ACOXL: variants seen among roughly 807,000 people sequenced by gnomAD.
The protein encoded by ACOXL is acyl-coenzyme A oxidase-like protein.
ACOXL carries 70 observed loss-of-function variants against 71.9 expected under a neutral mutation model. The observed-to-expected ratio is 0.97, with a 90% CI of 0.80 to 1.19. The LOEUF (loss-of-function observed/expected upper bound fraction) is 1.19, where lower values mean the gene tolerates loss of function less well. Ranked by LOEUF, ACOXL falls within the 50% of genes most tolerant of loss-of-function variation. ACOXL has a pLI of 0.00. For synonymous variants in ACOXL, 253 were observed against 281.6 expected, an observed-to-expected ratio of 0.90 and a Z score of 1.02; for missense variants, 703 against 736.3, an observed-to-expected ratio of 0.95 and a Z score of 0.52.
chr2:111,050,275 G>C (rs75907924), intron 16 of ACOXL, among the ~76,000 whole-genome samples: 1 of 151,566 alleles, frequency 6.6e-6, no homozygotes, highest in African/African-American at 2.4e-5. Context: ...AAAAAAAAAA[G>C]CTTTCAGTGA....
intron 10 of ACOXL, among the ~76,000 whole-genome samples, chr2:110,874,464 G>C (rs1695652898): frequency 6.6e-6 from 1 of 152,160 alleles, no homozygotes; most frequent in Non-Finnish European, 1.5e-5. Context: ...CTGGGAAGCG[G>C]AATGAGCAGA....
chr2:110,742,565 AC>A (rs889404264), intron 1 of ACOXL, among the ~76,000 whole-genome samples: 1 of 152,152 alleles, frequency 6.6e-6, no homozygotes, highest in African/African-American at 2.4e-5. Context: ...TCGTCACCAC[AC>A]TTGTCTGAGT....
intron 11 of ACOXL, among the ~76,000 whole-genome samples, chr2:110,912,716 C>G (rs1216178569): frequency 6.6e-6 from 1 of 151,806 alleles, no homozygotes; most frequent in Non-Finnish European, 1.5e-5. Flanking sequence ...GATAGAATAC[C>G]AAAAGCACAA....
At position 110,802,353 on chromosome 2, in the gene ACOXL, G is replaced by A. The variant is rs201387205; in HGVS notation, c.620+629G>A. Among the ~76,000 whole-genome samples, 3 of 152,304 alleles carry A rather than the reference G, an allele frequency of 2.0e-5. No homozygotes were observed. In the East Asian group the frequency reaches 5.8e-4, roughly 29 times the overall value. ...GTTAATGATGCTTTTCACAGAAGCT[G>A]AGAAACACCAATTACTTTTAATTTT... On this transcript the variant is annotated intron_variant, in intron 8 of 17. Transcript: ENST00000439055.
At chr2:110,739,810 C>T (rs1326027038) in intron 1 of ACOXL, among the ~76,000 whole-genome samples, 3 of 152,200 alleles carry the variant, frequency 2.0e-5, no homozygotes, top group African/African-American at 7.2e-5. Context: ...CTCTGTTCTG[C>T]TAAGTGAGTT....
At chr2:110,785,439 C>T (rs1305038988) in intron 3 of ACOXL, among the ~76,000 whole-genome samples, 1 of 150,788 alleles carries the variant, frequency 6.6e-6, no homozygotes, top group Non-Finnish European at 1.5e-5. Context: ...ATTCATGTAA[C>T]CACCACCACA....
At chr2:110,902,059 A>G (rs146421293) in intron 10 of ACOXL, among the ~76,000 whole-genome samples, 1 of 152,232 alleles carries the variant, frequency 6.6e-6, no homozygotes, top group African/African-American at 2.4e-5. Flanking sequence ...ATGGAAAAAG[A>G]AAAAATTGCC....
intron 3 of ACOXL, among the ~76,000 whole-genome samples, chr2:110,791,581 A>G (rs1458368796): frequency 6.6e-6 from 1 of 152,240 alleles, no homozygotes; most frequent in Non-Finnish European, 1.5e-5. Flanking sequence ...GCCTGCGATG[A>G]TTCTGTAGAG....
At chr2:110,986,777 C>G (rs1463295879) in intron 12 of ACOXL, among the ~76,000 whole-genome samples, 1 of 152,168 alleles carries the variant, frequency 6.6e-6, no homozygotes, top group Non-Finnish European at 1.5e-5. Context: ...AACGGACCAG[C>G]CTTCTGGTCC....
At chr2:111,064,428 T>TC (rs1196523857) in intron 16 of ACOXL, among the ~76,000 whole-genome samples, 1 of 111,902 alleles carries the variant, frequency 8.9e-6, no homozygotes, top group East Asian at 2.8e-4. Flanking sequence ...AGAGCGACAC[T>TC]CCATCTCAAA....
intron 1 of ACOXL, among the ~76,000 whole-genome samples, chr2:110,758,108 A>G (rs1242785107): frequency 6.6e-6 from 1 of 152,226 alleles, no homozygotes; most frequent in African/African-American, 2.4e-5. Context: ...TTTTCTGCCT[A>G]TAACTTGCCA....
chr2:111,016,955 T>C (rs1423625875), intron 14 of ACOXL, among the ~76,000 whole-genome samples: 3 of 152,062 alleles, frequency 2.0e-5, no homozygotes, highest in Non-Finnish European at 2.9e-5. Flanking sequence ...GCCAGCAAGA[T>C]AATGGGACAA....
intron 14 of ACOXL, among the ~76,000 whole-genome samples, chr2:111,023,971 T>G (rs894761524): frequency 2.6e-5 from 4 of 152,182 alleles, no homozygotes; most frequent in African/African-American, 9.6e-5. Flanking sequence ...GTTTTGCTAG[T>G]GCTGGGCACC....
chr2:110,994,461 A>T (rs1447016277), intron 13 of ACOXL, among the ~76,000 whole-genome samples: 6 of 150,998 alleles, frequency 4.0e-5, no homozygotes, highest in Non-Finnish European at 8.8e-5. Context: ...TTTTTTAGTT[A>T]ATATGAATTT....
intron 9 of ACOXL, among the ~76,000 whole-genome samples, chr2:110,808,568 A>T (rs1462617635): frequency 6.6e-6 from 1 of 151,002 alleles, no homozygotes; most frequent in African/African-American, 2.4e-5. Context: ...TCCTCACTGT[A>T]CCCCCTCTCT....
At chr2:110,949,348 TCATTTTTCCCGGG>T (rs1162602648) in intron 12 of ACOXL, among the ~76,000 whole-genome samples, 8 of 151,908 alleles carry the variant, frequency 5.3e-5, no homozygotes, top group Admixed American at 5.2e-4. Context: ...CTCAAGAGTC[TCATTTTTCCCGGG>T]CATCAACTGG....
chr2:111,083,955 C>T (rs2068064832), intron 16 of ACOXL, among the ~76,000 whole-genome samples: 2 of 152,008 alleles, frequency 1.3e-5, no homozygotes, highest in South Asian at 4.2e-4. Context: ...ACTCTATAGA[C>T]AGAGACTTCA....
intron 16 of ACOXL, among the ~76,000 whole-genome samples, chr2:111,064,915 A>G (rs1214316304): frequency 6.6e-6 from 1 of 152,252 alleles, no homozygotes; most frequent in Non-Finnish European, 1.5e-5. Flanking sequence ...TCAGCATAGT[A>G]AAGATATTAT....
At chr2:110,797,828 A>T (rs1336218384) in intron 5 of ACOXL, among the ~76,000 whole-genome samples, 1 of 152,222 alleles carries the variant, frequency 6.6e-6, no homozygotes, top group Non-Finnish European at 1.5e-5. Flanking sequence ...AGCTGAGCAT[A>T]TACCACCAGG....
Sources: gnomAD v4.1 joint callset for allele counts (sites outside exome capture counted in the v4.1 genomes callset) on GRCh38, gnomAD v4.1.1 for gene constraint, MANE v1.5 for transcripts, NCBI Gene and HGNC (gene_info 2026-07-23, HGNC 2026-07-21) for gene names.